PTPRM: variants seen among roughly 807,000 people sequenced by gnomAD.
PTPRM encodes the protein protein tyrosine phosphatase receptor type M, also known as receptor-type tyrosine-protein phosphatase mu.
PTPRM carries 47 observed loss-of-function variants against 186.7 expected under a neutral mutation model. That is an observed-to-expected ratio of 0.25 (90% CI 0.20 to 0.32). The LOEUF (loss-of-function observed/expected upper bound fraction) is 0.32, where lower values mean the gene tolerates loss of function less well. PTPRM is among the 10% of genes least tolerant of loss of function. The pLI, the probability that PTPRM is intolerant of heterozygous loss-of-function variation, is 1.00. For synonymous variants in PTPRM, 668 were observed against 674.9 expected, an observed-to-expected ratio of 0.99 and a Z score of 0.16; for missense variants, 1,494 against 1,865.0, an observed-to-expected ratio of 0.80 and a Z score of 3.66.
At chr18:7,914,041 T>A (rs1196016363) in intron 4 of PTPRM, among the ~76,000 whole-genome samples, 1 of 152,144 alleles carries the variant, frequency 6.6e-6, no homozygotes, top group East Asian at 1.9e-4. Context: ...CACACATTGC[T>A]TACCACTCCC....
chr18:7,811,200 C>G (rs1303019422), intron 2 of PTPRM, among the ~76,000 whole-genome samples: 1 of 152,224 alleles, frequency 6.6e-6, no homozygotes. Flanking sequence ...CCTGTGACAA[C>G]AAGCCTGGAA....
intron 1 of PTPRM, among the ~76,000 whole-genome samples, chr18:7,609,568 G>A (rs1171299188): frequency 2.3e-5 from 3 of 133,212 alleles, no homozygotes; most frequent in Admixed American, 1.6e-4. Context: ...AAACAATTTT[G>A]TATGGAATCT....
intron 11 of PTPRM, among the ~76,000 whole-genome samples, chr18:8,098,450 T>C (rs2091118842): frequency 6.6e-6 from 1 of 152,180 alleles, no homozygotes; most frequent in African/African-American, 2.4e-5. Flanking sequence ...TTATTACAGA[T>C]AAGAAGACCC....
intron 11 of PTPRM, among the ~76,000 whole-genome samples, chr18:8,097,861 C>T (rs991813408): frequency 3.3e-5 from 5 of 152,180 alleles, no homozygotes; most frequent in African/African-American, 1.2e-4. Context: ...CACTCAGGAG[C>T]ATTAATTAGA....
chr18:8,253,883 T>A (rs1323241313), intron 19 of PTPRM, among the ~76,000 whole-genome samples: 1 of 152,146 alleles, frequency 6.6e-6, no homozygotes, highest in African/African-American at 2.4e-5. Context: ...GAAAACAAAT[T>A]TACCAGGGTC....
At chr18:7,650,175 T>C (rs942594597) in intron 1 of PTPRM, among the ~76,000 whole-genome samples, 1 of 152,118 alleles carries the variant, frequency 6.6e-6, no homozygotes, top group African/African-American at 2.4e-5. Context: ...CTGCAGGGTG[T>C]ACTACAGGAC....
chr18:8,065,194 A>T (rs1371453345), intron 7 of PTPRM, among the ~76,000 whole-genome samples: 1 of 152,236 alleles, frequency 6.6e-6, no homozygotes, highest in East Asian at 1.9e-4. Context: ...AGAGTTCCAA[A>T]GAAATGAGCT....
intron 2 of PTPRM, among the ~76,000 whole-genome samples, chr18:7,787,997 G>C (rs2145170201): frequency 6.6e-6 from 1 of 152,288 alleles, no homozygotes; most frequent in East Asian, 1.9e-4. Context: ...TTTTGACCTT[G>C]TGGCCTCCCT....
intron 27 of PTPRM, among the ~76,000 whole-genome samples, chr18:8,378,804 T>C (rs1206078795): frequency 6.6e-6 from 1 of 152,138 alleles, no homozygotes; most frequent in Non-Finnish European, 1.5e-5. Flanking sequence ...GAGCTCTCCA[T>C]TGTATTCCTC....
chr18:7,865,873 A>C (rs2047662873), intron 2 of PTPRM, among the ~76,000 whole-genome samples: 1 of 151,962 alleles, frequency 6.6e-6, no homozygotes, highest in Non-Finnish European at 1.5e-5. Flanking sequence ...CTTGTTGTTG[A>C]TCTATTCAGG....
intron 6 of PTPRM, 29 bp downstream of exon 6, chr18:7,949,384 TTCTTCTAAAGTAGA>T: frequency 6.4e-7 from 1 of 1,569,946 alleles, no homozygotes; most frequent in Non-Finnish European, 8.7e-7. Flanking sequence ...TACCAGAATA[TTCTTCTAAAGTAGA>T]TATGTTAGGT....
chr18:8,271,137 C>A (rs7505928), intron 19 of PTPRM, among the ~76,000 whole-genome samples: 139,677 of 152,104 alleles, frequency 0.92, 64,328 homozygotes, highest in African/African-American at 0.98. Flanking sequence ...CCCTTAATAG[C>A]TTGTCAGTTA....
intron 1 of PTPRM, among the ~76,000 whole-genome samples, chr18:7,674,999 C>T (rs950796139): frequency 6.6e-6 from 1 of 152,176 alleles, no homozygotes; most frequent in Non-Finnish European, 1.5e-5. Flanking sequence ...ATTAATAGAT[C>T]TAGCCTGTGA....
intron 14 of PTPRM, among the ~76,000 whole-genome samples, chr18:8,212,322 C>T (rs1470791378): frequency 1.3e-5 from 2 of 152,092 alleles, no homozygotes; most frequent in Non-Finnish European, 2.9e-5. Flanking sequence ...ACAGGTGTGG[C>T]CTGCAGGTAA....
intron 1 of PTPRM, among the ~76,000 whole-genome samples, chr18:7,693,246 TGA>T (rs2144658722): frequency 6.6e-6 from 1 of 152,308 alleles, no homozygotes; most frequent in South Asian, 2.1e-4. Flanking sequence ...GGGTACTACT[TGA>T]TGAACACTCC....
chr18:7,825,127 G>A lies in PTPRM; in HGVS notation c.196+50856G>A, dbSNP rs62090903. On this transcript the variant is annotated intron_variant, in intron 2 of 32. Transcript: ENST00000580170. ...GCAATTAAAGGAGGAAATTCCCTAG[G>A]AAGAAGTGGCCGGGAGCCAGGAGGC... Among the ~76,000 whole-genome samples, 504 of 152,268 alleles carry A rather than the reference G, an allele frequency of 3.3e-3. 2 individuals are homozygous for A. Among genetic ancestry groups the A allele is most frequent in the Non-Finnish European group, 5.1e-3 (345 of 68,016 alleles).
At chr18:7,781,387 C>T (rs1420555292) in intron 2 of PTPRM, among the ~76,000 whole-genome samples, 1 of 152,024 alleles carries the variant, frequency 6.6e-6, no homozygotes, top group Non-Finnish European at 1.5e-5. Context: ...TTTTTTGAGT[C>T]AAGATTTTTT....
chr18:7,893,331 A>C (rs1424637827), intron 3 of PTPRM, among the ~76,000 whole-genome samples: 1 of 152,226 alleles, frequency 6.6e-6, no homozygotes, highest in Admixed American at 6.5e-5. Context: ...GAAAGCTCCA[A>C]AGCAGTAATC....
intron 5 of PTPRM, among the ~76,000 whole-genome samples, chr18:7,927,013 TTCTCTC>T (rs10616157): frequency 1.4e-4 from 21 of 150,226 alleles, no homozygotes; most frequent in Non-Finnish European, 2.2e-4. Context: ...AAGAGTCTCT[TTCTCTC>T]TCTCTCTCTC....
Sources: allele counts gnomAD v4.1 joint callset (sites outside exome capture counted in the v4.1 genomes callset), GRCh38; gene constraint gnomAD v4.1.1; transcripts MANE v1.5; gene names NCBI Gene and HGNC (gene_info 2026-07-23, HGNC 2026-07-21).